The following PDHX variants were observed in gnomAD, a reference collection of about 807,000 sequenced individuals.
The protein encoded by PDHX is pyruvate dehydrogenase protein X component, mitochondrial.
In PDHX, 33 loss-of-function variants were observed where a neutral mutation model predicts 55.3. That is an observed-to-expected ratio of 0.60 (90% CI 0.45 to 0.80). PDHX has a LOEUF of 0.80. Among genes scored for constraint, PDHX ranks in the 30% least tolerant of loss-of-function variants. PDHX has a pLI of 0.00. For synonymous variants in PDHX, 226 were observed against 219.4 expected (o/e 1.03, Z -0.27); for missense variants, 622 against 619.9 (o/e 1.00, Z -0.04).
At position 34,916,920 on chromosome 11, in the gene PDHX, G is replaced by T; in HGVS notation, c.160+105G>T. The T allele has an allele frequency of 5.4e-6, 6 of 1,119,766 alleles. No individual in the cohort carries two copies. The South Asian group carries it at 6.7e-5, about 12-fold the overall frequency. 69.4% of individuals were successfully genotyped at this position (1,119,766 alleles called of 1,614,324 possible). On this transcript the variant is annotated intron_variant, in intron 1 of 10. Coordinates refer to ENST00000227868, the MANE Select transcript of PDHX (RefSeq NM_003477.3). ...TGCTTTTGGGTGTGAAGGTGCGCGG[G>T]CTCCTTATTCCCTTTCCTCTTTCTC...
chr11:34,965,172 A>C (rs1410958625), intron 5 of PDHX, among the ~76,000 whole-genome samples: 1 of 152,194 alleles, frequency 6.6e-6, no homozygotes, highest in Non-Finnish European at 1.5e-5. Flanking sequence ...AGTGTTGGCC[A>C]AGGCTGGGGA....
intron 9 of PDHX, among the ~76,000 whole-genome samples, chr11:34,985,946 T>A (rs1564932855): frequency 6.6e-6 from 1 of 152,206 alleles, no homozygotes; most frequent in Admixed American, 6.5e-5. Context: ...TATTTTTAGG[T>A]CTTTCTTCCC....
intron 3 of PDHX, 28 bp downstream of exon 3, chr11:34,947,634 C>T: frequency 1.4e-6 from 2 of 1,424,292 alleles, no homozygotes; most frequent in Non-Finnish European, 2.0e-6. Flanking sequence ...TTTTCTTCAA[C>T]AGGATGAAGA....
intron 3 of PDHX, among the ~76,000 whole-genome samples, chr11:34,957,036 T>C (rs1292812513): frequency 6.6e-6 from 1 of 152,252 alleles, no homozygotes; most frequent in Non-Finnish European, 1.5e-5. Flanking sequence ...ATGGTTAAGA[T>C]ATGTAGCCAC....
chr11:34,954,659 T>C (rs193007683), intron 3 of PDHX, among the ~76,000 whole-genome samples: 332 of 152,328 alleles, frequency 2.2e-3, no homozygotes, highest in African/African-American at 7.4e-3. Flanking sequence ...TCTTGATCCA[T>C]GTTGAATGTA....
At position 34,935,582 on chromosome 11, in the gene PDHX, T is replaced by G. The variant is rs190125154; in HGVS notation, c.241+4098T>G. ...CTGGATAACCTCTTTTAGCACCCTA[T>G]GTAGCTGTCTTTCTCTGTGCTTGAT... On this transcript the variant is annotated intron_variant, in intron 2 of 10. Transcript: ENST00000227868. 1.7e-3 allele frequency among the ~76,000 whole-genome samples: 259 copies of G among 152,344 alleles called. 1 individual carries two copies. Among genetic ancestry groups the G allele is most frequent in the African/African-American group, 6.0e-3 (249 of 41,578 alleles).
In PDHX at chr11:34,934,571, A is replaced by ATTTT. The variant is rs35227178; in HGVS notation, c.241+3108_241+3111dup. Among the ~76,000 whole-genome samples, 288 of 92,416 alleles carry ATTTT rather than the reference A, an allele frequency of 3.1e-3. 5 individuals carry two copies. Among genetic ancestry groups the ATTTT allele is most frequent in the African/African-American group, 5.2e-3 (119 of 22,762 alleles). The allele number at this position is 92,416 out of a possible 152,430, so 60.6% of individuals were successfully genotyped here. A position where few individuals can be genotyped will look rare whatever the true frequency, so the allele number is the denominator to read the frequency against. ...GGCTGGATATTTAATGATATTATGG[A>ATTTT]TTTTTTTTTTTTTTTTTTTTTTTTG... On this transcript the variant is annotated intron_variant, in intron 2 of 10. Transcript: ENST00000227868.
intron 8 of PDHX, 47 bp from the exon 9 acceptor site, chr11:34,984,523 G>C: frequency 1.3e-6 from 2 of 1,522,332 alleles, no homozygotes; most frequent in East Asian, 2.3e-5. Context: ...TAACCGCCTT[G>C]GTCTAAAGCT....
chr11:34,961,593 A>G (rs1855023029), intron 5 of PDHX, among the ~76,000 whole-genome samples: 1 of 152,126 alleles, frequency 6.6e-6, no homozygotes, highest in African/African-American at 2.4e-5. Flanking sequence ...GGGCCAGGCA[A>G]TGTTTTCTTT....
In PDHX at chr11:34,984,746, G is replaced by A. The variant is rs756598910; in HGVS notation, c.1182+18G>A. The A allele has an allele frequency of 9.3e-6, 15 of 1,611,418 alleles. No homozygotes were observed. The highest frequency in any genetic ancestry group is 1.7e-5 in the Admixed American group (1 of 59,988). On this transcript the variant is annotated intron_variant, in intron 9 of 10. Transcript: ENST00000227868. ...CTGTAAAGGTATGTCTTAAGAAAGA[G>A]TGTGCTTTCAAAATGTTAGCATATA...
Position 34,960,530 on chromosome 11 carries a change from CT to C in PDHX, c.641+17del. ...ATATTCACTAAAGAGTATGTGTTTGCTTTTTGTAATAACCAGTTCCATTATT... is the reference window on the plus strand; with the variant it reads ...ATATTCACTAAAGAGTATGTGTTTGCTTTTGTAATAACCAGTTCCATTATT... On this transcript the variant is annotated intron_variant, in intron 5 of 10. Coordinates refer to ENST00000227868, the MANE Select transcript of PDHX (RefSeq NM_003477.3). The C allele has an allele frequency of 6.8e-7, 1 of 1,471,446 alleles. No homozygotes were observed. The highest frequency in any genetic ancestry group is 9.5e-7 in the Non-Finnish European group (1 of 1,050,942). 91.1% of individuals were successfully genotyped at this position (1,471,446 alleles called of 1,614,324 possible).
At chr11:34,916,615 A>G (rs748553521), upstream of PDHX, 104 of 1,600,472 alleles carry the variant, frequency 6.5e-5, no homozygotes, top group South Asian at 5.7e-4. Context: ...GATGCTGGAC[A>G]TCAGGCTGTG....
rs368610751 is a variant in PDHX at position 34,969,619 on chromosome 11, A to G, written c.817-520A>G. On this transcript the variant is annotated intron_variant, in intron 6 of 10. Transcript: ENST00000227868. ...AGCCTCCCAAAGTAATCCTGAGATTACAGGTGTGAGCCACCGTGCCCAGCC... is the reference window on the plus strand; with the variant it reads ...AGCCTCCCAAAGTAATCCTGAGATTGCAGGTGTGAGCCACCGTGCCCAGCC... Among the ~76,000 whole-genome samples the G allele has an allele frequency of 9.2e-4, 140 of 152,252 alleles. 2 individuals are homozygous for G. The highest frequency in any genetic ancestry group is 3.2e-3 in the African/African-American group (135 of 41,566).
chr11:34,946,461 C>T (rs11032944), intron 2 of PDHX, among the ~76,000 whole-genome samples: 2,587 of 152,128 alleles, frequency 0.017, 85 homozygotes, highest in African/African-American at 0.059. Flanking sequence ...TTGATTTCTT[C>T]GTGTGTCTCA....
intron 2 of PDHX, among the ~76,000 whole-genome samples, chr11:34,932,816 A>G (rs1361447130): frequency 6.6e-6 from 1 of 152,250 alleles, no homozygotes; most frequent in African/African-American, 2.4e-5. Flanking sequence ...GCACTGTTTG[A>G]AATAGCAAAA....
At chr11:34,980,043 T>C (rs1432458687) in intron 8 of PDHX, among the ~76,000 whole-genome samples, 1 of 151,292 alleles carries the variant, frequency 6.6e-6, no homozygotes, top group African/African-American at 2.4e-5. Flanking sequence ...CCATAATTAC[T>C]GATCTGTTTT....
intron 3 of PDHX, among the ~76,000 whole-genome samples, chr11:34,952,717 A>G (rs1168118522): frequency 6.6e-6 from 1 of 150,818 alleles, no homozygotes; most frequent in Non-Finnish European, 1.5e-5. Context: ...ATCTATGACA[A>G]ACCCACAGCC....
At chr11:34,970,343 A>C in intron 7 of PDHX, 57 bp downstream of exon 7, 1 of 1,351,850 alleles carries the variant, frequency 7.4e-7, no homozygotes, top group Non-Finnish European at 1.0e-6. Context: ...CTTTCATGAA[A>C]TCCTTTATAA....
At chr11:34,952,325 C>G (rs1039525462) in intron 3 of PDHX, among the ~76,000 whole-genome samples, 3 of 152,022 alleles carry the variant, frequency 2.0e-5, no homozygotes, top group African/African-American at 7.3e-5. Context: ...AGGGAATCCT[C>G]CCTAACTCAT....
Sources: allele counts gnomAD v4.1 joint callset (sites outside exome capture counted in the v4.1 genomes callset), GRCh38; gene constraint gnomAD v4.1.1; transcripts MANE v1.5; gene names NCBI Gene and HGNC (gene_info 2026-07-23, HGNC 2026-07-21).